Variants in LCLAT1 observed in about 807,000 individuals in gnomAD.
LCLAT1 encodes the protein 1-AGP acyltransferase 8.
A neutral mutation model predicts 30.7 loss-of-function variants in LCLAT1; 11 were observed. The observed-to-expected ratio is 0.36, with a 90% CI of 0.23 to 0.59. LCLAT1 has a LOEUF of 0.59. Ranked by LOEUF, LCLAT1 falls within the 20% of genes least tolerant of loss-of-function variation. LCLAT1 has a pLI of 0.77. For missense variants in LCLAT1, 402 were observed against 458.6 expected (o/e 0.88, Z 1.13); for synonymous variants, 155 against 151.3 (o/e 1.02, Z -0.18).
chr2:30,631,092 T>A (rs1446508515), intron 5 of LCLAT1, among the ~76,000 whole-genome samples: 1 of 152,224 alleles, frequency 6.6e-6, no homozygotes, highest in Non-Finnish European at 1.5e-5. Flanking sequence ...AGGAAATGCA[T>A]TGACACAGCC....
At chr2:30,524,941 T>C (rs1685637014) in intron 1 of LCLAT1, among the ~76,000 whole-genome samples, 1 of 152,152 alleles carries the variant, frequency 6.6e-6, no homozygotes, top group African/African-American at 2.4e-5. Flanking sequence ...CTGTAGTTTT[T>C]AGTCAATTGC....
intron 1 of LCLAT1, among the ~76,000 whole-genome samples, chr2:30,486,048 T>G (rs923459338): frequency 6.6e-6 from 1 of 152,190 alleles, no homozygotes; most frequent in Non-Finnish European, 1.5e-5. Flanking sequence ...TAAACCCTTA[T>G]GGCTTTTAGG....
chr2:30,535,622 C>T (rs1686206742), intron 3 of LCLAT1, among the ~76,000 whole-genome samples: 1 of 152,150 alleles, frequency 6.6e-6, no homozygotes, highest in Non-Finnish European at 1.5e-5. Context: ...TCAAGGCACC[C>T]TACCCAACTG....
intron 1 of LCLAT1, among the ~76,000 whole-genome samples, chr2:30,519,727 A>G (rs1278067203): frequency 1.3e-5 from 2 of 152,232 alleles, no homozygotes; most frequent in Non-Finnish European, 2.9e-5. Context: ...GACAGTGATC[A>G]GGATATAAAC....
intron 5 of LCLAT1, among the ~76,000 whole-genome samples, chr2:30,598,347 A>G (rs1273819121): frequency 1.3e-5 from 2 of 150,912 alleles, no homozygotes; most frequent in East Asian, 3.9e-4. Context: ...CAGGCATTCA[A>G]CTTCTTCCTG....
Position 30,584,332 on chromosome 2 carries a change from C to G in LCLAT1, c.628+16156C>G, listed in dbSNP as rs564693738. On this transcript the variant is annotated intron_variant, in intron 5 of 5. Transcript: ENST00000379509. Reference sequence around the variant, plus strand: ...CTTTTTTTACCCGCACTCAATGCATCTAGCCAAAAATAGCTTTGTTGTTGT... The same window carrying G: ...CTTTTTTTACCCGCACTCAATGCATGTAGCCAAAAATAGCTTTGTTGTTGT... Among the ~76,000 whole-genome samples the G allele has an allele frequency of 3.3e-5, 5 of 152,268 alleles. No homozygotes were observed. The East Asian group carries it at 7.7e-4, about 23-fold the overall frequency.
At chr2:30,489,697 A>G (rs946589217) in intron 1 of LCLAT1, among the ~76,000 whole-genome samples, 9 of 152,108 alleles carry the variant, frequency 5.9e-5, no homozygotes, top group African/African-American at 1.9e-4. Flanking sequence ...GAAAGAGCCT[A>G]TTCTGTCCCA....
At chr2:30,452,656 A>T (rs767157225) in intron 1 of LCLAT1, among the ~76,000 whole-genome samples, 10 of 152,246 alleles carry the variant, frequency 6.6e-5, no homozygotes, top group Non-Finnish European at 1.2e-4. Flanking sequence ...CTTTTTCATC[A>T]TTATGAAATA....
intron 3 of LCLAT1, among the ~76,000 whole-genome samples, chr2:30,549,349 G>A (rs996021477): frequency 6.6e-5 from 10 of 152,202 alleles, no homozygotes; most frequent in African/African-American, 2.2e-4. Context: ...GAGCTAGGAA[G>A]CGAATTTCAC....
intron 5 of LCLAT1, among the ~76,000 whole-genome samples, chr2:30,593,281 T>C (rs1424083290): frequency 6.6e-6 from 1 of 152,122 alleles, no homozygotes; most frequent in African/African-American, 2.4e-5. Context: ...ATTATATATA[T>C]GGAATACATT....
chr2:30,519,795 G>A (rs971797854), intron 1 of LCLAT1, among the ~76,000 whole-genome samples: 58 of 152,288 alleles, frequency 3.8e-4, no homozygotes, highest in African/African-American at 1.4e-3. Flanking sequence ...TTGTATGGGA[G>A]CTTTGGTTTC....
chr2:30,460,814 CAGTCATCTGGCTAGTGATTTAATCACTG>C (rs1682083076), intron 1 of LCLAT1, among the ~76,000 whole-genome samples: 1 of 152,114 alleles, frequency 6.6e-6, no homozygotes, highest in African/African-American at 2.4e-5. Context: ...TAGCAGAGCC[CAGTCATCTGGCTAGTGATTTAATCACTG>C]ATGCCTAGGT....
chr2:30,628,693 C>G (rs986325081), intron 5 of LCLAT1, among the ~76,000 whole-genome samples: 4 of 152,058 alleles, frequency 2.6e-5, no homozygotes, highest in African/African-American at 9.7e-5. Flanking sequence ...AATTGAAATA[C>G]CAACTTGGTA....
chr2:30,520,854 A>G (rs1029879598), intron 1 of LCLAT1, among the ~76,000 whole-genome samples: 4 of 152,212 alleles, frequency 2.6e-5, no homozygotes, highest in Admixed American at 6.5e-5. Context: ...TATACTTTCT[A>G]TGGATTTTCA....
intron 5 of LCLAT1, among the ~76,000 whole-genome samples, chr2:30,573,031 C>G (rs1444351031): frequency 6.6e-6 from 1 of 152,066 alleles, no homozygotes; most frequent in Non-Finnish European, 1.5e-5. Flanking sequence ...TTTCTCAATA[C>G]TGGTTCATTT....
At chr2:30,537,313 G>A (rs1009799143) in intron 3 of LCLAT1, among the ~76,000 whole-genome samples, 5 of 152,072 alleles carry the variant, frequency 3.3e-5, no homozygotes, top group South Asian at 2.1e-4. Flanking sequence ...CCTGGGAAGC[G>A]GAGCTTGCAG....
chr2:30,592,354 C>A (rs13401246), intron 5 of LCLAT1, among the ~76,000 whole-genome samples: 19,196 of 152,170 alleles, frequency 0.13, 1,341 homozygotes, highest in South Asian at 0.22. Flanking sequence ...GTGGCACATG[C>A]CTGTAATCCC....
chr2:30,637,158 T>C (rs1325369773), intron 5 of LCLAT1, among the ~76,000 whole-genome samples: 1 of 152,116 alleles, frequency 6.6e-6, no homozygotes, highest in Non-Finnish European at 1.5e-5. Context: ...TGAGTGGCAC[T>C]GAGGAAAGGC....
intron 5 of LCLAT1, among the ~76,000 whole-genome samples, chr2:30,621,283 GTT>G (rs1668234403): frequency 6.6e-6 from 1 of 152,114 alleles, no homozygotes; most frequent in Non-Finnish European, 1.5e-5. Context: ...GAACGTTTGT[GTT>G]CCCCCAAAAT....
Sources: gnomAD v4.1 joint callset for allele counts (sites outside exome capture counted in the v4.1 genomes callset) on GRCh38, gnomAD v4.1.1 for gene constraint, MANE v1.5 for transcripts, NCBI Gene and HGNC (gene_info 2026-07-23, HGNC 2026-07-21) for gene names.